Variants in ZNF778 observed in about 807,000 individuals in gnomAD.
ZNF778 encodes zinc finger protein 778.
A neutral mutation model predicts 23.9 loss-of-function variants in ZNF778; 37 were observed. The ratio of observed to expected loss-of-function variants is 1.54; its 90% CI spans 1.19 to 2.03. ZNF778 has a LOEUF of 2.03. Among genes scored for constraint, ZNF778 ranks in the 30% most tolerant of loss-of-function variants. The pLI, the probability that ZNF778 is intolerant of heterozygous loss-of-function variation, is 0.00. For missense variants in ZNF778, 1,297 were observed against 934.4 expected (o/e 1.39, Z -5.06); for synonymous variants, 483 against 343.9 (o/e 1.40, Z -4.48).
chr16:89,222,028 C>A (rs2031004081), intron 2 of ZNF778, 64 bp from the exon 3 acceptor site: 1 of 1,199,814 alleles, frequency 8.3e-7, no homozygotes, highest in Non-Finnish European at 1.2e-6. Flanking sequence ...ACTTCCGGGT[C>A]CATGAGTGTG....
Position 89,232,897 on chromosome 16 carries a change from C to A in ZNF778, c.*4335C>A. Reference sequence around the variant, plus strand: ...TGCGTATGCAACTCAACTCGCACTGCGTATGCAACTCAACTCGCACTGCGT... The same window carrying A: ...TGCGTATGCAACTCAACTCGCACTGAGTATGCAACTCAACTCGCACTGCGT... On this transcript the variant is annotated 3_prime_UTR_variant, in exon 7 of 7. Transcript: ENST00000433976. The A allele has an allele frequency of 1.6e-6, 2 of 1,279,684 alleles. No individual in the cohort carries two copies. The highest frequency in any genetic ancestry group is 2.0e-6 in the Non-Finnish European group (2 of 985,502). The allele number at this position is 1,279,684 out of a possible 1,614,324, so 79.3% of individuals were successfully genotyped here. A position where few individuals can be genotyped will look rare whatever the true frequency, so the allele number is the denominator to read the frequency against.
chr16:89,223,177 C>T lies in ZNF778; in HGVS notation c.138C>T (p.Asp46=), dbSNP rs775184767. The T allele has an allele frequency of 2.4e-5, 38 of 1,613,620 alleles. 1 individual carries two copies. The highest frequency in any genetic ancestry group is 3.1e-5 in the Non-Finnish European group (36 of 1,179,910). The change falls in exon 4 of 7, where the codon GAC becomes GAT. Residue 46 remains aspartate (D), a synonymous_variant. Coordinates refer to ENST00000433976, the MANE Select transcript of ZNF778 (RefSeq NM_001201407.2). ...TTTAGGACGCGGTGACCTTTGACGA[C>T]GTGGCTGTGGACTTCACCCAGGAGG... ...NCYQDAVTFD[D]VAVDFTQEEW... is the part of the protein sequence containing the mutation.
At position 89,228,099 on chromosome 16, in the gene ZNF778, TAACC is replaced by T; in HGVS notation, c.1812_1815del (p.Thr605SerfsTer31). On this transcript the variant is annotated frameshift_variant, in exon 7 of 7. Transcript: ENST00000433976. LOFTEE classifies it low-confidence loss of function (END_TRUNC). ...AAAACATTCACTGTTTCTTCGAGCC[TAACC>T]GAGCACATACGAACTCACACTGGAG... is the stretch of plus-strand genomic sequence containing the variant. 1.9e-6 allele frequency: 3 copies of T among 1,613,046 alleles called. No homozygotes were observed. The highest frequency in any genetic ancestry group is 2.5e-6 in the Non-Finnish European group (3 of 1,179,178).
chr16:89,232,617 T>C lies in ZNF778; in HGVS notation c.*4055T>C, dbSNP rs543267987. On this transcript the variant is annotated 3_prime_UTR_variant, in exon 7 of 7. Transcript: ENST00000433976. ...GGGTTCCTCAGAGTAAGATAAAATA[T>C]TAAAGGACCAATTGTATTAATTATG... 8.4e-7 allele frequency: 1 copy of C among 1,193,112 alleles called. No homozygotes were observed. The highest frequency in any genetic ancestry group is 1.6e-5 in the South Asian group (1 of 64,480). The allele number at this position is 1,193,112 out of a possible 1,614,324, so 73.9% of individuals were successfully genotyped here.
At chr16:89,223,006 C>G in intron 3 of ZNF778, 151 bp from the exon 4 acceptor site, 3 of 887,494 alleles carry the variant, frequency 3.4e-6, no homozygotes, top group Non-Finnish European at 5.0e-6. Context: ...GGCGTGTGTG[C>G]GGGCAGAGAA....
chr16:89,224,486 G>T, intron 4 of ZNF778: 1 of 400,598 alleles, frequency 2.5e-6, no homozygotes, highest in East Asian at 4.4e-5. Context: ...AGGCGTGGTG[G>T]CGGGCACCTA....
In ZNF778 at chr16:89,227,775, C is replaced by G; in HGVS notation, c.1487C>G (p.Ala496Gly). Residue 496 changes from alanine to glycine, a missense_variant, in exon 7 of 7, where the codon GCG (alanine) becomes GGG (glycine). Transcript: ENST00000433976. ...FTVSSSLTEH[A>G]RIHTGEKPYE... ...GTTTCTTCAAGCCTGACTGAGCACG[C>G]GAGAATCCATACCGGAGAGAAACCC... 1.2e-6 allele frequency: 2 copies of G among 1,612,770 alleles called. No homozygotes were observed. Among genetic ancestry groups the G allele is most frequent in the Non-Finnish European group, 8.5e-7 (1 of 1,179,148 alleles).
Position 89,233,117 on chromosome 16 carries a change from TCGCTCTGCGTATGC to T in ZNF778, c.*4556_*4569del, listed in dbSNP as rs2032055022. ...GCTCGCACTGCGTATGCAAGTCAGCTCGCTCTGCGTATGCAACTCAGCTCGCTCTGCGTATGCAA... is the reference window on the plus strand; with the variant it reads ...GCTCGCACTGCGTATGCAAGTCAGCTAACTCAGCTCGCTCTGCGTATGCAA... On this transcript the variant is annotated 3_prime_UTR_variant, in exon 7 of 7. Coordinates refer to ENST00000433976, the MANE Select transcript of ZNF778 (RefSeq NM_001201407.2). 4.7e-6 allele frequency: 2 copies of T among 422,346 alleles called. No individual in the cohort carries two copies. The highest frequency in any genetic ancestry group is 4.7e-5 in the Admixed American group (1 of 21,146). 26.2% of individuals were successfully genotyped at this position (422,346 alleles called of 1,614,324 possible). A position where few individuals can be genotyped will look rare whatever the true frequency, so the allele number is the denominator to read the frequency against.
rs548282878 is a variant in ZNF778, at chr16:89,228,753, G to A, written c.*191G>A. 2.9e-6 allele frequency: 4 copies of A among 1,394,604 alleles called. No individual in the cohort carries two copies. The highest frequency in any genetic ancestry group is 3.7e-6 in the Non-Finnish European group (4 of 1,079,348). 86.4% of individuals were successfully genotyped at this position (1,394,604 alleles called of 1,614,324 possible). A position where few individuals can be genotyped will look rare whatever the true frequency, so the allele number is the denominator to read the frequency against. On this transcript the variant is annotated 3_prime_UTR_variant, in exon 7 of 7. Coordinates refer to ENST00000433976, the MANE Select transcript of ZNF778 (RefSeq NM_001201407.2). ...AGAGAAAGCCCTCAGTGTTCTCTAA[G>A]GTCTTGCTGAATATGGATGGTATCC...
Position 89,234,542 on chromosome 16 carries a change from G to A in ZNF778, c.*5980G>A, listed in dbSNP as rs1310528735. 1.2e-5 allele frequency: 2 copies of A among 172,996 alleles called. No individual in the cohort carries two copies. The highest frequency in any genetic ancestry group is 2.5e-5 in the Non-Finnish European group (2 of 79,996). 10.7% of individuals were successfully genotyped at this position (172,996 alleles called of 1,614,324 possible). A position where few individuals can be genotyped will look rare whatever the true frequency, so the allele number is the denominator to read the frequency against. On this transcript the variant is annotated 3_prime_UTR_variant, in exon 7 of 7. Coordinates refer to ENST00000433976, the MANE Select transcript of ZNF778 (RefSeq NM_001201407.2). ...CTTTTTTAGAAATAGTGAGGCTGTT[G>A]TGAGGTGAGTCACCACTTGTGACTT...
Position 89,228,768 on chromosome 16 carries a change from G to A in ZNF778, c.*206G>A. 2 of 1,375,722 alleles carry A rather than the reference G, an allele frequency of 1.5e-6. No individual in the cohort carries two copies. Among genetic ancestry groups the A allele is most frequent in the African/African-American group, 1.5e-5 (1 of 68,794 alleles). 85.2% of individuals were successfully genotyped at this position (1,375,722 alleles called of 1,614,324 possible). ...TGTTCTCTAAGGTCTTGCTGAATAT[G>A]GATGGTATCCAGTAGAGAGAACTCT... On this transcript the variant is annotated 3_prime_UTR_variant, in exon 7 of 7. Coordinates refer to ENST00000433976, the MANE Select transcript of ZNF778 (RefSeq NM_001201407.2).
chr16:89,225,768 C>G, intron 6 of ZNF778, 137 bp downstream of exon 6: 2 of 784,616 alleles, frequency 2.5e-6, no homozygotes, highest in South Asian at 1.7e-5. Flanking sequence ...AGAGAACACT[C>G]TGAATGTGCG....
chr16:89,232,323 G>A lies in ZNF778; in HGVS notation c.*3761G>A. On this transcript the variant is annotated 3_prime_UTR_variant, in exon 7 of 7. Transcript: ENST00000433976. ...TTGACACAGCAAATAGTCCTCACCA[G>A]AAGCAGGTCAGATGCCAGTGCTATG... 4.1e-6 allele frequency: 1 copy of A among 244,806 alleles called. No homozygotes were observed. The highest frequency in any genetic ancestry group is 8.1e-6 in the Non-Finnish European group (1 of 123,364). 15.2% of individuals were successfully genotyped at this position (244,806 alleles called of 1,614,324 possible).
Position 89,234,248 on chromosome 16 carries a change from A to G in ZNF778, c.*5686A>G, listed in dbSNP as rs529869267. The G allele has an allele frequency of 5.6e-6, 2 of 356,978 alleles. No individual in the cohort carries two copies. Among genetic ancestry groups the G allele is most frequent in the Middle Eastern group, 1.0e-3 (1 of 988 alleles). The allele number at this position is 356,978 out of a possible 1,614,324, so 22.1% of individuals were successfully genotyped here. A position where few individuals can be genotyped will look rare whatever the true frequency, so the allele number is the denominator to read the frequency against. ...TCTACCTAAGCACATGTCTGTGACA[A>G]GGTCTTACCCAGCCCAGGGATTCTT... On this transcript the variant is annotated 3_prime_UTR_variant, in exon 7 of 7. Transcript: ENST00000433976.
In ZNF778 at chr16:89,228,792, C is replaced by G. The variant is rs2031734588; in HGVS notation, c.*230C>G. 7.7e-7 allele frequency: 1 copy of G among 1,305,398 alleles called. No homozygotes were observed. The highest frequency in any genetic ancestry group is 9.7e-7 in the Non-Finnish European group (1 of 1,028,934). The allele number at this position is 1,305,398 out of a possible 1,614,324, so 80.9% of individuals were successfully genotyped here. ...TGGATGGTATCCAGTAGAGAGAACTCTATTGATGTGTGATATGCAGCAGCA... is the reference window on the plus strand; with the variant it reads ...TGGATGGTATCCAGTAGAGAGAACTGTATTGATGTGTGATATGCAGCAGCA... On this transcript the variant is annotated 3_prime_UTR_variant, in exon 7 of 7. Transcript: ENST00000433976.
At chr16:89,218,900 G>C (rs2030636773) in intron 1 of ZNF778, among the ~76,000 whole-genome samples, 1 of 152,212 alleles carries the variant, frequency 6.6e-6, no homozygotes. Context: ...CTGAGGTCGG[G>C]AGTTCAAGAC....
In ZNF778 at chr16:89,224,809, G is replaced by A. The variant is rs754300180; in HGVS notation, c.328+7G>A. On this transcript the variant is annotated splice_region_variant and intron_variant, in intron 5 of 6. Transcript: ENST00000433976. Reference sequence around the variant, plus strand: ...CGGAGAGCAGTTCTCCAAGGTAAGTGTGAAGAGCACGCCTGGTCGATGTCA... The same window carrying A: ...CGGAGAGCAGTTCTCCAAGGTAAGTATGAAGAGCACGCCTGGTCGATGTCA... 6 of 925,636 alleles carry A rather than the reference G, an allele frequency of 6.5e-6. No homozygotes were observed. The highest frequency in any genetic ancestry group is 9.4e-6 in the Non-Finnish European group (6 of 638,016). 57.3% of individuals were successfully genotyped at this position (925,636 alleles called of 1,614,324 possible). A position where few individuals can be genotyped will look rare whatever the true frequency, so the allele number is the denominator to read the frequency against.
intron 1 of ZNF778, chr16:89,218,157 G>C (rs2030539591): frequency 6.6e-6 from 1 of 152,242 alleles, no homozygotes; most frequent in East Asian, 1.9e-4. Flanking sequence ...GGATGCGGCC[G>C]TTGTCCCGCT....
intron 4 of ZNF778, among the ~76,000 whole-genome samples, chr16:89,223,587 A>C (rs2031176882): frequency 6.6e-6 from 1 of 152,128 alleles, no homozygotes; most frequent in African/African-American, 2.4e-5. Context: ...ATGCCAATTC[A>C]CTCTAACACT....
Sources: gnomAD v4.1 joint callset for allele counts (sites outside exome capture counted in the v4.1 genomes callset) on GRCh38, gnomAD v4.1.1 for gene constraint, MANE v1.5 for transcripts, NCBI Gene and HGNC (gene_info 2026-07-23, HGNC 2026-07-21) for gene names.